The following GINM1 variants were observed in gnomAD, a reference collection of about 807,000 sequenced individuals.
GINM1 encodes the protein glycoprotein integral membrane protein 1.
In GINM1, 29 loss-of-function variants were observed where a neutral mutation model predicts 37.8. The observed-to-expected ratio is 0.77, with a 90% CI of 0.57 to 1.05. The LOEUF is 1.05. Ranked by LOEUF, GINM1 falls within the 50% of genes least tolerant of loss-of-function variation. The pLI is 0.00. For missense variants in GINM1, 377 were observed against 397.9 expected (o/e 0.95, Z 0.45); for synonymous variants, 143 against 146.2 (o/e 0.98, Z 0.16).
At position 149,580,642 on chromosome 6, in the gene GINM1, GGAA is replaced by G; in HGVS notation, c.637_639del (p.Glu213del). On this transcript the variant is annotated inframe_deletion, in exon 6 of 8. Coordinates refer to ENST00000367419, the MANE Select transcript of GINM1 (RefSeq NM_138785.5). ...CTAGCCAGTATCTTATCAGGAATGTGGAAACCACTGTAGATGAAGATGTTTTAC... is the reference window on the plus strand; with the variant it reads ...CTAGCCAGTATCTTATCAGGAATGTGACCACTGTAGATGAAGATGTTTTAC... 6.2e-7 allele frequency: 1 copy of G among 1,613,840 alleles called. No homozygotes were observed. Among genetic ancestry groups the G allele is most frequent in the South Asian group, 1.1e-5 (1 of 91,070 alleles).
rs1016026002 is a variant in GINM1, at chr6:149,591,023, A to G, written c.*185A>G. On this transcript the variant is annotated 3_prime_UTR_variant, in exon 8 of 8. Transcript: ENST00000367419. ...GTTTACCTTATTCTCGGCCGGGTGC[A>G]GTGGCTCATGCCTGTAATCCCAGGA... 30 of 518,902 alleles carry G rather than the reference A, an allele frequency of 5.8e-5. No homozygotes were observed. The highest frequency in any genetic ancestry group is 3.3e-4 in the Admixed American group (9 of 27,512). The allele number at this position is 518,902 out of a possible 1,614,324, so 32.1% of individuals were successfully genotyped here.
At position 149,588,806 on chromosome 6, in the gene GINM1, T is replaced by C. The variant is rs902007032; in HGVS notation, c.882-1921T>C. The stretch of plus-strand genomic sequence containing the variant: ...CCCTGCCTGGCTAATTTGTTGTTGT[T>C]GTTGTTGTTGTTGTTGAGACACAGT... On this transcript the variant is annotated intron_variant, in intron 7 of 7. Transcript: ENST00000367419. Among the ~76,000 whole-genome samples the C allele has an allele frequency of 4.6e-5, 7 of 151,996 alleles. No homozygotes were observed. The East Asian group carries it at 7.7e-4, about 17-fold the overall frequency.
intron 3 of GINM1, among the ~76,000 whole-genome samples, chr6:149,578,494 C>T (rs1472999448): frequency 7.0e-6 from 1 of 143,428 alleles, no homozygotes; most frequent in Non-Finnish European, 1.5e-5. Context: ...CCACTGCACT[C>T]CAGCCTGGGC....
chr6:149,580,219 T>G (rs1356206833), intron 5 of GINM1, among the ~76,000 whole-genome samples: 4 of 152,238 alleles, frequency 2.6e-5, no homozygotes, highest in Admixed American at 2.6e-4. Flanking sequence ...ATTAGTAGAA[T>G]GTGATCAGTG....
In GINM1 at chr6:149,566,836, C is replaced by T. The variant is rs980025355; in HGVS notation, c.120+302C>T. On this transcript the variant is annotated intron_variant, in intron 1 of 7. Coordinates refer to ENST00000367419, the MANE Select transcript of GINM1 (RefSeq NM_138785.5). This position sits in a 1 kb window ranked among gnomAD's most constrained non-coding sequence, Gnocchi z 4.4. The stretch of plus-strand genomic sequence containing the variant: ...GCTTTGCCGTCGAAGCGCGCGGTTG[C>T]CGGTGATCAGGCCTTCGTAATGGCG... Among the ~76,000 whole-genome samples the T allele has an allele frequency of 1.3e-5, 2 of 152,234 alleles. No homozygotes were observed. Among genetic ancestry groups the T allele is most frequent in the Non-Finnish European group, 2.9e-5 (2 of 68,032 alleles).
At chr6:149,584,178 G>C (rs1031513728) in intron 7 of GINM1, among the ~76,000 whole-genome samples, 1 of 152,050 alleles carries the variant, frequency 6.6e-6, no homozygotes, top group Non-Finnish European at 1.5e-5. Context: ...GTTTTTCCAC[G>C]TTGGCCCAGC....
At position 149,566,659 on chromosome 6, in the gene GINM1, A is replaced by T; in HGVS notation, c.120+125A>T. ...GGGCGGGGGTCCGGGCCCCCGAAGGAGGTGTGGGGAGAAGCACCCCAGGAA... is the reference window on the plus strand; with the variant it reads ...GGGCGGGGGTCCGGGCCCCCGAAGGTGGTGTGGGGAGAAGCACCCCAGGAA... On this transcript the variant is annotated intron_variant, in intron 1 of 7. Transcript: ENST00000367419. The surrounding 1 kb of genome is among the most constrained non-coding windows in gnomAD (Gnocchi z 4.4). The T allele has an allele frequency of 7.9e-7, 1 of 1,267,932 alleles. No homozygotes were observed. The highest frequency in any genetic ancestry group is 1.6e-5 in the African/African-American group (1 of 62,790). 78.5% of individuals were successfully genotyped at this position (1,267,932 alleles called of 1,614,324 possible). A position where few individuals can be genotyped will look rare whatever the true frequency, so the allele number is the denominator to read the frequency against.
intron 6 of GINM1, 143 bp from the exon 7 acceptor site, chr6:149,582,297 A>G (rs916164409): frequency 1.5e-4 from 104 of 692,344 alleles, no homozygotes; most frequent in Middle Eastern, 7.6e-4. Flanking sequence ...ATTAGTTTTG[A>G]CAAATGTAGT....
At chr6:149,568,000 G>A (rs1777748618) in intron 1 of GINM1, among the ~76,000 whole-genome samples, 1 of 152,220 alleles carries the variant, frequency 6.6e-6, no homozygotes, top group African/African-American at 2.4e-5. Flanking sequence ...CATTTTGACT[G>A]CAGGCTTAAA....
intron 7 of GINM1, among the ~76,000 whole-genome samples, chr6:149,590,466 C>T (rs1582740449): frequency 6.6e-6 from 1 of 152,152 alleles, no homozygotes. Context: ...CTAACTCTGC[C>T]TTGGAGATCT....
intron 3 of GINM1, among the ~76,000 whole-genome samples, chr6:149,573,687 T>G (rs1482876881): frequency 6.6e-6 from 1 of 151,796 alleles, no homozygotes; most frequent in Non-Finnish European, 1.5e-5. Flanking sequence ...GGCAACATGG[T>G]AAAACCTTGT....
chr6:149,582,755 C>G (rs927040859), intron 7 of GINM1, 152 bp downstream of exon 7: 3 of 557,774 alleles, frequency 5.4e-6, no homozygotes, highest in African/African-American at 3.9e-5. Flanking sequence ...GCTCATCTTC[C>G]AATGTTAGCA....
intron 7 of GINM1, among the ~76,000 whole-genome samples, chr6:149,585,988 A>G (rs9688377): frequency 0.011 from 1,634 of 152,314 alleles, 30 homozygotes; most frequent in African/African-American, 0.038. Context: ...CAGACTGGAA[A>G]TTGGCATCCT....
At chr6:149,585,492 A>G (rs1218643863) in intron 7 of GINM1, among the ~76,000 whole-genome samples, 1 of 152,160 alleles carries the variant, frequency 6.6e-6, no homozygotes, top group African/African-American at 2.4e-5. Context: ...AGGTTTCCCA[A>G]ACTTTCTTGG....
chr6:149,571,184 G>GCA (rs1777815714), intron 1 of GINM1, among the ~76,000 whole-genome samples: 1 of 151,938 alleles, frequency 6.6e-6, no homozygotes, highest in Non-Finnish European at 1.5e-5. Flanking sequence ...GTGTGGTGAT[G>GCA]CATGCCTGTA....
chr6:149,571,425 G>T (rs534686565), intron 1 of GINM1, among the ~76,000 whole-genome samples: 1 of 152,166 alleles, frequency 6.6e-6, no homozygotes, highest in African/African-American at 2.4e-5. Flanking sequence ...AGTCAGAGAT[G>T]GACTACTGTG....
intron 7 of GINM1, among the ~76,000 whole-genome samples, 198 bp from the exon 8 acceptor site, chr6:149,590,529 T>C (rs1018044591): frequency 1.3e-5 from 2 of 152,188 alleles, no homozygotes; most frequent in Non-Finnish European, 2.9e-5. Context: ...CCTCGATGCC[T>C]TTCTATTCTC....
intron 3 of GINM1, among the ~76,000 whole-genome samples, chr6:149,578,613 T>G (rs1777951402): frequency 6.6e-6 from 1 of 152,144 alleles, no homozygotes; most frequent in Admixed American, 6.5e-5. Context: ...ATTTTACCCT[T>G]TCAAATGAGT....
At chr6:149,580,012 T>A in intron 5 of GINM1, 22 bp downstream of exon 5, 1 of 1,460,246 alleles carries the variant, frequency 6.8e-7, no homozygotes, top group Non-Finnish European at 9.4e-7. Context: ...GACCATTATT[T>A]AAAGTATTAA....
Sources: gnomAD v4.1 joint callset for allele counts (sites outside exome capture counted in the v4.1 genomes callset) on GRCh38, gnomAD v4.1.1 for gene constraint, Gnocchi (gnomAD v3.1) non-coding constraint, MANE v1.5 for transcripts, NCBI Gene and HGNC (gene_info 2026-07-23, HGNC 2026-07-21) for gene names.